CDH2: variants seen among roughly 807,000 people sequenced by gnomAD.
The protein encoded by CDH2 is cadherin-2.
A neutral mutation model predicts 92.0 loss-of-function variants in CDH2; 17 were observed. That is an observed-to-expected ratio of 0.18 (90% CI 0.13 to 0.28). CDH2 has a LOEUF of 0.28. Ranked by LOEUF, CDH2 falls within the 10% of genes least tolerant of loss-of-function variation. The pLI, the probability that CDH2 is intolerant of heterozygous loss-of-function variation, is 1.00. For missense variants in CDH2, 862 were observed against 1,133.1 expected (o/e 0.76, Z 3.44); for synonymous variants, 419 against 415.9 (o/e 1.01, Z -0.09).
chr18:28,176,693 CGAA>C (rs1224663960), intron 1 of CDH2, among the ~76,000 whole-genome samples: 2 of 151,988 alleles, frequency 1.3e-5, no homozygotes, highest in Admixed American at 6.5e-5. Flanking sequence ...TGCTCGGCCC[CGAA>C]GAAGGAGCAG....
At chr18:28,088,657 G>T (rs1287240604) in intron 2 of CDH2, among the ~76,000 whole-genome samples, 1 of 152,098 alleles carries the variant, frequency 6.6e-6, no homozygotes, top group African/African-American at 2.4e-5. Context: ...AAAGGAGGTG[G>T]ACAGAGGAAG....
chr18:28,120,286 G>T (rs2144270330), intron 2 of CDH2, among the ~76,000 whole-genome samples: 1 of 151,984 alleles, frequency 6.6e-6, no homozygotes, highest in East Asian at 1.9e-4. Context: ...TTGTATGTAT[G>T]CATATAGGCC....
chr18:28,014,925 T>C (rs2013201271), intron 2 of CDH2, among the ~76,000 whole-genome samples: 1 of 152,192 alleles, frequency 6.6e-6, no homozygotes, highest in Non-Finnish European at 1.5e-5. Context: ...AAAAATTCTA[T>C]GGGAATAGCA....
intron 2 of CDH2, among the ~76,000 whole-genome samples, chr18:28,096,202 C>G (rs947560951): frequency 3.3e-5 from 5 of 152,018 alleles, no homozygotes; most frequent in African/African-American, 1.2e-4. Flanking sequence ...TGGAATGATT[C>G]CTGAAAGAAT....
chr18:28,128,226 A>G (rs1045671631), intron 2 of CDH2, among the ~76,000 whole-genome samples: 1 of 152,222 alleles, frequency 6.6e-6, no homozygotes, highest in African/African-American at 2.4e-5. Flanking sequence ...ATCAGAATAC[A>G]GAATTATGTT....
rs184980034 is a variant in CDH2 at position 28,077,202 on chromosome 18, T to G, written c.173-63293A>C. Reference sequence around the variant, plus strand: ...CTTGCTGTTTTAAGCCTACTAAAACTGGTAAAAGCCAACTACTGAGTAATG... The same window carrying G: ...CTTGCTGTTTTAAGCCTACTAAAACGGGTAAAAGCCAACTACTGAGTAATG... On this transcript the variant is annotated intron_variant, in intron 2 of 15. Coordinates refer to ENST00000269141, the MANE Select transcript of CDH2 (RefSeq NM_001792.5). Among the ~76,000 whole-genome samples the G allele has an allele frequency of 1.6e-4, 25 of 152,246 alleles. 1 individual carries two copies. Among genetic ancestry groups the G allele is most frequent in the Admixed American group, 1.6e-3 (25 of 15,294 alleles).
downstream of CDH2, among the ~76,000 whole-genome samples, chr18:27,948,061 G>T (rs966424392): frequency 6.7e-6 from 1 of 150,050 alleles, no homozygotes; most frequent in Non-Finnish European, 1.5e-5. Flanking sequence ...ATACGGTAAA[G>T]AATGCATTCC....
chr18:28,010,794 C>T (rs960058841), intron 4 of CDH2, among the ~76,000 whole-genome samples: 1 of 151,778 alleles, frequency 6.6e-6, no homozygotes, highest in Admixed American at 6.6e-5. Context: ...CTCAGCCTCC[C>T]GAGTAGCACC....
At chr18:28,148,548 T>C (rs989986672) in intron 1 of CDH2, among the ~76,000 whole-genome samples, 7 of 152,208 alleles carry the variant, frequency 4.6e-5, no homozygotes, top group South Asian at 4.1e-4. Context: ...ACTGACACAA[T>C]TGGAGGACAG....
intron 2 of CDH2, among the ~76,000 whole-genome samples, chr18:28,111,122 G>A (rs374419970): frequency 6.6e-6 from 1 of 152,180 alleles, no homozygotes; most frequent in Non-Finnish European, 1.5e-5. Flanking sequence ...CTGCAGTGGC[G>A]CCCCTGGCCT....
chr18:28,143,112 G>A lies in CDH2; in HGVS notation c.172+4561C>T, dbSNP rs1042577227. ...TCATCATGTGCTGCCCAGAGATGGT[G>A]AGCATGAATGGATTACTGAAAATAT... On this transcript the variant is annotated intron_variant, in intron 2 of 15. Transcript: ENST00000269141. Among the ~76,000 whole-genome samples, 8 of 152,020 alleles carry A rather than the reference G, an allele frequency of 5.3e-5. No individual in the cohort carries two copies. In the East Asian group the frequency reaches 9.6e-4, roughly 18 times the overall value.
At chr18:28,009,572 T>G in intron 5 of CDH2, 145 bp downstream of exon 5, 1 of 560,352 alleles carries the variant, frequency 1.8e-6, no homozygotes, top group Non-Finnish European at 2.9e-6. Flanking sequence ...AACAATAACA[T>G]TATTAAAATA....
At chr18:28,007,609 T>C (rs11564332) in intron 5 of CDH2, among the ~76,000 whole-genome samples, 25,548 of 152,200 alleles carry the variant, frequency 0.17, 2,428 homozygotes, top group South Asian at 0.3. Flanking sequence ...ATATCTTACA[T>C]TACATTAATA....
chr18:28,044,369 T>C (rs2014027479), intron 2 of CDH2, among the ~76,000 whole-genome samples: 2 of 152,242 alleles, frequency 1.3e-5, no homozygotes, highest in South Asian at 4.1e-4. Context: ...CCTGGTATAT[T>C]CTTCCAGTAA....
chr18:28,161,348 G>A (rs1476264553), intron 1 of CDH2, among the ~76,000 whole-genome samples: 3 of 152,238 alleles, frequency 2.0e-5, no homozygotes, highest in South Asian at 4.1e-4. Context: ...GTAGGCCAAG[G>A]CGGGCATATC....
intron 2 of CDH2, among the ~76,000 whole-genome samples, chr18:28,078,562 G>A (rs779858234): frequency 2.6e-5 from 4 of 151,930 alleles, no homozygotes; most frequent in African/African-American, 9.7e-5. Flanking sequence ...TGGCAGTGTC[G>A]GCTCTTCCTG....
chr18:28,011,728 A>G, intron 4 of CDH2, 118 bp downstream of exon 4: 1 of 940,966 alleles, frequency 1.1e-6, no homozygotes, highest in East Asian at 2.5e-5. Flanking sequence ...ATCTTTATAG[A>G]AAAACACTTT....
intron 2 of CDH2, among the ~76,000 whole-genome samples, chr18:28,034,303 C>T (rs1308792842): frequency 1.3e-5 from 2 of 152,082 alleles, no homozygotes; most frequent in Non-Finnish European, 2.9e-5. Flanking sequence ...GTGAATATCA[C>T]CAGTGAAAGC....
intron 5 of CDH2, 131 bp downstream of exon 5, chr18:28,009,586 C>A: frequency 1.5e-6 from 1 of 649,188 alleles, no homozygotes; most frequent in East Asian, 3.1e-5. Context: ...TAAAATAAAC[C>A]AAAAGACTAC....
Sources: allele counts gnomAD v4.1 joint callset (sites outside exome capture counted in the v4.1 genomes callset), GRCh38; gene constraint gnomAD v4.1.1; transcripts MANE v1.5; gene names NCBI Gene and HGNC (gene_info 2026-07-23, HGNC 2026-07-21).